DOCK3: variants seen among roughly 807,000 people sequenced by gnomAD.
DOCK3 encodes dedicator of cytokinesis 3, also known as dedicator of cytokinesis protein 3.
Under a neutral mutation model 265.6 loss-of-function variants are expected in DOCK3, and 60 were observed. The observed-to-expected ratio is 0.23, with a 90% CI of 0.18 to 0.28. DOCK3 has a LOEUF of 0.28. DOCK3 is among the 10% of genes least tolerant of loss of function. The pLI is 1.00. For synonymous variants in DOCK3, 881 were observed against 938.0 expected (o/e 0.94, Z 1.11); for missense variants, 1,981 against 2,594.3 (o/e 0.76, Z 5.14).
At chr3:50,853,298 GTT>G (rs112948729) in intron 3 of DOCK3, among the ~76,000 whole-genome samples, 1 of 144,308 alleles carries the variant, frequency 6.9e-6, no homozygotes. Flanking sequence ...TCCTGTGACT[GTT>G]TTTTTTTTTC....
At chr3:51,345,458 A>T (rs2085501252) in intron 38 of DOCK3, among the ~76,000 whole-genome samples, 1 of 152,144 alleles carries the variant, frequency 6.6e-6, no homozygotes, top group Admixed American at 6.5e-5. Flanking sequence ...AAAATATTTT[A>T]AAAACTAGCC....
At chr3:51,102,205 A>G (rs1242950824) in intron 9 of DOCK3, among the ~76,000 whole-genome samples, 2 of 152,212 alleles carry the variant, frequency 1.3e-5, no homozygotes, top group Admixed American at 1.3e-4. Flanking sequence ...GAGCCAGAGC[A>G]TTTATTCATA....
At chr3:50,813,793 A>C (rs1049706572) in intron 2 of DOCK3, among the ~76,000 whole-genome samples, 8 of 152,220 alleles carry the variant, frequency 5.3e-5, no homozygotes, top group African/African-American at 1.9e-4. Context: ...TAATACAAAC[A>C]GACCTCATAA....
intron 5 of DOCK3, among the ~76,000 whole-genome samples, chr3:51,062,317 T>A (rs1439014802): frequency 6.6e-6 from 1 of 152,162 alleles, no homozygotes; most frequent in African/African-American, 2.4e-5. Flanking sequence ...TCATCAATCT[T>A]CCCTTTCTCA....
intron 1 of DOCK3, among the ~76,000 whole-genome samples, chr3:50,720,530 C>T (rs1177016205): frequency 6.6e-6 from 1 of 152,144 alleles, no homozygotes; most frequent in Non-Finnish European, 1.5e-5. Context: ...TTTCTTTATC[C>T]AGTCTGGCAT....
chr3:51,291,027 A>G (rs1452983164), intron 27 of DOCK3, among the ~76,000 whole-genome samples: 2 of 152,250 alleles, frequency 1.3e-5, no homozygotes, highest in Non-Finnish European at 2.9e-5. Context: ...CAGTAAGCCA[A>G]GATCGTGCCA....
intron 5 of DOCK3, among the ~76,000 whole-genome samples, chr3:51,054,733 T>TA (rs1559996766): frequency 1.3e-5 from 2 of 152,206 alleles, no homozygotes; most frequent in African/African-American, 4.8e-5. Context: ...TACTGTTTTT[T>TA]AATATTAAAT....
intron 4 of DOCK3, among the ~76,000 whole-genome samples, chr3:50,903,251 A>G (rs2049298126): frequency 1.3e-5 from 2 of 152,194 alleles, no homozygotes; most frequent in South Asian, 4.1e-4. Context: ...CCTAGTTTTC[A>G]CAGGTAATGC....
chr3:50,888,621 C>T (rs1364290139), intron 3 of DOCK3, among the ~76,000 whole-genome samples: 1 of 152,120 alleles, frequency 6.6e-6, no homozygotes, highest in African/African-American at 2.4e-5. Context: ...TACTACAAGG[C>T]TACAGTAACC....
chr3:51,140,734 A>G lies in DOCK3; in HGVS notation c.747-5815A>G, dbSNP rs538106905. Among the ~76,000 whole-genome samples the G allele has an allele frequency of 1.9e-4, 29 of 152,156 alleles. No homozygotes were observed. In the South Asian group the frequency reaches 4.6e-3, roughly 24 times the overall value. ...CCATCAGCTGTGTATGATGGTTCCA[A>G]TTTCTCCATTTCCTTGTCAGCACTT... On this transcript the variant is annotated intron_variant, in intron 9 of 52. Coordinates refer to ENST00000266037, the MANE Select transcript of DOCK3 (RefSeq NM_004947.5).
At chr3:51,373,087 G>A (rs183882325) in intron 49 of DOCK3, among the ~76,000 whole-genome samples, 29 of 152,294 alleles carry the variant, frequency 1.9e-4, no homozygotes, top group Non-Finnish European at 7.4e-5. Flanking sequence ...TATTTATTAC[G>A]CTGACTTCTT....
intron 52 of DOCK3, 53 bp from the exon 53 acceptor site, chr3:51,380,997 A>T (rs2088587268): frequency 6.5e-6 from 10 of 1,528,718 alleles, no homozygotes; most frequent in Non-Finnish European, 8.8e-6. Context: ...ATGGCGGGCA[A>T]GTCAGCCTGT....
chr3:51,024,730 A>G (rs2079743494), intron 5 of DOCK3, among the ~76,000 whole-genome samples: 1 of 152,206 alleles, frequency 6.6e-6, no homozygotes, highest in Non-Finnish European at 1.5e-5. Context: ...GGCTGCAGTC[A>G]TCCTGAATTG....
At chr3:50,689,155 G>A (rs2035040921) in intron 1 of DOCK3, among the ~76,000 whole-genome samples, 2 of 152,206 alleles carry the variant, frequency 1.3e-5, no homozygotes. Flanking sequence ...GAGTCTGCAA[G>A]CAATTGATTG....
chr3:51,020,955 C>CT (rs1340374254), intron 5 of DOCK3, among the ~76,000 whole-genome samples: 1 of 151,798 alleles, frequency 6.6e-6, no homozygotes, highest in Non-Finnish European at 1.5e-5. Flanking sequence ...TATTTGAGCT[C>CT]TTTTTTGGTT....
intron 22 of DOCK3, among the ~76,000 whole-genome samples, chr3:51,249,447 A>G (rs1179678328): frequency 2.1e-5 from 2 of 96,952 alleles, no homozygotes; most frequent in African/African-American, 4.1e-5. Flanking sequence ...GGCCGCCCCT[A>G]CTGGGAAGTG....
At chr3:51,072,586 T>C (rs1463351911) in intron 6 of DOCK3, among the ~76,000 whole-genome samples, 2 of 151,936 alleles carry the variant, frequency 1.3e-5, no homozygotes, top group East Asian at 3.9e-4. Flanking sequence ...TTTTTGTGTT[T>C]TTAGTAGAGA....
At chr3:50,906,463 G>C (rs1369437007) in intron 4 of DOCK3, among the ~76,000 whole-genome samples, 1 of 152,012 alleles carries the variant, frequency 6.6e-6, no homozygotes, top group African/African-American at 2.4e-5. Context: ...TCTATTCAGG[G>C]ATTCAGCTTC....
chr3:50,795,047 A>G (rs1413289125), intron 2 of DOCK3, among the ~76,000 whole-genome samples: 2 of 151,862 alleles, frequency 1.3e-5, no homozygotes, highest in Admixed American at 1.3e-4. Context: ...TTTAAAGAAT[A>G]TGGAATATTG....
Sources: allele counts gnomAD v4.1 joint callset (sites outside exome capture counted in the v4.1 genomes callset), GRCh38; gene constraint gnomAD v4.1.1; transcripts MANE v1.5; gene names NCBI Gene and HGNC (gene_info 2026-07-23, HGNC 2026-07-21).